P2RY8: variants seen among roughly 807,000 people sequenced by gnomAD.
The protein encoded by P2RY8 is P2Y receptor family member 8, also known as S-geranylgeranyl-glutathione receptor P2RY8.
A neutral mutation model predicts 10.0 loss-of-function variants in P2RY8; 6 were observed. The observed-to-expected ratio is 0.60, with a 90% CI of 0.33 to 1.19. P2RY8 has a LOEUF of 1.19. Among genes scored for constraint, P2RY8 ranks in the 50% most tolerant of loss-of-function variants. The pLI is 0.04. For missense variants in P2RY8, 456 were observed against 542.0 expected (o/e 0.84, Z 1.58); for synonymous variants, 276 against 252.5 (o/e 1.09, Z -0.88).
intron 1 of P2RY8, among the ~76,000 whole-genome samples, chrX:1,491,588 C>A (rs2092050430): frequency 6.6e-6 from 1 of 152,092 alleles, no homozygotes; most frequent in South Asian, 2.1e-4. Context: ...TGAATGAATG[C>A]CACTCTGAGA....
intron 1 of P2RY8, among the ~76,000 whole-genome samples, chrX:1,533,637 C>A (rs1188850176): frequency 3.8e-4 from 44 of 117,064 alleles, no homozygotes; most frequent in African/African-American, 1.5e-3. Context: ...TTATTATTTA[C>A]ATATTTATTA....
intron 1 of P2RY8, among the ~76,000 whole-genome samples, chrX:1,529,546 A>T (rs1477131872): frequency 2.6e-5 from 4 of 151,882 alleles, no homozygotes; most frequent in African/African-American, 9.7e-5. Context: ...GAAGATGCTC[A>T]GTGCCCTGCA....
At chrX:1,522,829 G>A (rs762093100) in intron 1 of P2RY8, among the ~76,000 whole-genome samples, 1 of 151,572 alleles carries the variant, frequency 6.6e-6, no homozygotes, top group South Asian at 2.1e-4. Flanking sequence ...AGCACTTTGG[G>A]AGGCTAAGAC....
At chrX:1,511,412 GTCTTT>G (rs1334887417) in intron 1 of P2RY8, among the ~76,000 whole-genome samples, 14 of 152,118 alleles carry the variant, frequency 9.2e-5, no homozygotes, top group Admixed American at 4.6e-4. Context: ...TCCCATCTCT[GTCTTT>G]TCTTCTTCGA....
intron 1 of P2RY8, among the ~76,000 whole-genome samples, chrX:1,483,314 C>T (rs756498714): frequency 2.0e-5 from 3 of 152,150 alleles, no homozygotes; most frequent in African/African-American, 7.2e-5. Flanking sequence ...GCTGGGCTCC[C>T]TTAGATCCAA....
At chrX:1,466,830 T>C (rs2091687752) in intron 1 of P2RY8, among the ~76,000 whole-genome samples, 1 of 150,630 alleles carries the variant, frequency 6.6e-6, no homozygotes, top group African/African-American at 2.4e-5. Flanking sequence ...CCCTTTCTTC[T>C]TCCTTCCTCC....
chrX:1,488,872 T>G (rs189943737), intron 1 of P2RY8, among the ~76,000 whole-genome samples: 8 of 151,818 alleles, frequency 5.3e-5, no homozygotes, highest in Admixed American at 5.2e-4. Context: ...ACATCCAGGA[T>G]TCAGTTATGC....
In P2RY8 at chrX:1,506,523, C is replaced by T. The variant is rs764356031; in HGVS notation, c.-25+30398G>A. Among the ~76,000 whole-genome samples the T allele has an allele frequency of 3.9e-4, 60 of 152,028 alleles. 1 individual carries two copies. The highest frequency in any genetic ancestry group is 1.4e-3 in the African/African-American group (59 of 41,470). ...CCCTGAGCTGGGGGTATCAGGAGTC[C>T]AGGAAAGAAAGAAGGCAGAGGAGAG... On this transcript the variant is annotated intron_variant, in intron 1 of 1. Coordinates refer to ENST00000381297, the MANE Select transcript of P2RY8 (RefSeq NM_178129.5).
chrX:1,496,848 CCG>C (rs1983828583), intron 1 of P2RY8, among the ~76,000 whole-genome samples: 30 of 146,056 alleles, frequency 2.1e-4, no homozygotes, highest in African/African-American at 2.3e-4. Flanking sequence ...CAGGCACCCA[CCG>C]CACCTGGCCA....
intron 1 of P2RY8, among the ~76,000 whole-genome samples, chrX:1,516,708 T>C (rs2092353397): frequency 6.6e-6 from 1 of 151,326 alleles, no homozygotes; most frequent in African/African-American, 2.4e-5. Flanking sequence ...AGTCACGCAG[T>C]CTATGGTATT....
intron 1 of P2RY8, among the ~76,000 whole-genome samples, chrX:1,500,595 C>A (rs1203625117): frequency 6.7e-6 from 1 of 149,584 alleles, no homozygotes; most frequent in African/African-American, 2.4e-5. Context: ...CAGGTACACG[C>A]CACCACACCC....
At chrX:1,486,985 G>C (rs2091991938) in intron 1 of P2RY8, among the ~76,000 whole-genome samples, 1 of 152,246 alleles carries the variant, frequency 6.6e-6, no homozygotes, top group South Asian at 2.1e-4. Context: ...CCGCTTTTGG[G>C]GGATGCAGTC....
At chrX:1,474,293 G>C in intron 1 of P2RY8, among the ~76,000 whole-genome samples, 1 of 151,166 alleles carries the variant, frequency 6.6e-6, no homozygotes. Context: ...GTAGATGGAT[G>C]GGTGGATGGA....
At chrX:1,467,673 T>A (rs2091707703) in intron 1 of P2RY8, among the ~76,000 whole-genome samples, 1 of 152,186 alleles carries the variant, frequency 6.6e-6, no homozygotes, top group African/African-American at 2.4e-5. Context: ...CTGGAATTGT[T>A]CTTTTGTTTG....
chrX:1,482,378 G>A (rs1213338411), intron 1 of P2RY8, among the ~76,000 whole-genome samples: 8 of 151,974 alleles, frequency 5.3e-5, no homozygotes, highest in Non-Finnish European at 1.2e-4. Context: ...CACGTATGCT[G>A]AAATTTAAGC....
chrX:1,535,819 C>T lies in P2RY8; in HGVS notation c.-25+1102G>A, dbSNP rs1334477759. 1.3e-5 allele frequency among the ~76,000 whole-genome samples: 2 copies of T among 151,892 alleles called. 1 individual carries two copies. The highest frequency in any genetic ancestry group is 4.1e-4 in the South Asian group (2 of 4,822). On this transcript the variant is annotated intron_variant, in intron 1 of 1. Transcript: ENST00000381297. ...CCCTTTATAGAAATGGGACCTAAAG[C>T]GCCACAGCAGGCCTTGTTGTGTGTG... is the stretch of plus-strand genomic sequence containing the variant.
intron 1 of P2RY8, among the ~76,000 whole-genome samples, chrX:1,497,328 T>G (rs1396540172): frequency 3.3e-5 from 5 of 151,442 alleles, no homozygotes; most frequent in Non-Finnish European, 7.4e-5. Context: ...GTTTTCTCTT[T>G]TTTTTTTTCA....
intron 1 of P2RY8, among the ~76,000 whole-genome samples, chrX:1,506,548 G>C (rs2092235008): frequency 6.6e-6 from 1 of 152,152 alleles, no homozygotes; most frequent in Non-Finnish European, 1.5e-5. Context: ...GCAGAGGAGA[G>C]AGAGAGGTGT....
At position 1,499,328 on chromosome X, in the gene P2RY8, G is replaced by A. The variant is rs1300512648; in HGVS notation, c.-24-32746C>T. 2.0e-4 allele frequency among the ~76,000 whole-genome samples: 30 copies of A among 151,426 alleles called. 1 individual carries two copies. The highest frequency in any genetic ancestry group is 1.7e-3 in the Admixed American group (26 of 15,190). ...CACGAGGTGTGTGCCACCACGCCTGGCCAATTTTTATATTTTTAGTAGAGA... is the reference window on the plus strand; with the variant it reads ...CACGAGGTGTGTGCCACCACGCCTGACCAATTTTTATATTTTTAGTAGAGA... On this transcript the variant is annotated intron_variant, in intron 1 of 1. Transcript: ENST00000381297.
Sources: gnomAD v4.1 joint callset for allele counts (sites outside exome capture counted in the v4.1 genomes callset) on GRCh38, gnomAD v4.1.1 for gene constraint, MANE v1.5 for transcripts, NCBI Gene and HGNC (gene_info 2026-07-23, HGNC 2026-07-21) for gene names.